SGMS1: variants seen among roughly 807,000 people sequenced by gnomAD.
The protein encoded by SGMS1 is sphingomyelin synthase 1, also known as phosphatidylcholine:ceramide cholinephosphotransferase 1.
In SGMS1, 13 loss-of-function variants were observed where a neutral mutation model predicts 46.2. The observed-to-expected ratio is 0.28, with a 90% CI of 0.18 to 0.45. The LOEUF (loss-of-function observed/expected upper bound fraction) is 0.45, where lower values mean the gene tolerates loss of function less well. SGMS1 is among the 20% of genes least tolerant of loss of function. The probability of loss-of-function intolerance (pLI) is 1.00; values close to 1 mark genes in which losing one functional copy is unlikely to be tolerated. For synonymous variants in SGMS1, 203 were observed against 187.8 expected, an observed-to-expected ratio of 1.08 and a Z score of -0.66; for missense variants, 324 against 519.9, an observed-to-expected ratio of 0.62 and a Z score of 3.66.
chr10:50,422,598 G>T (rs1849271416), intron 6 of SGMS1, among the ~76,000 whole-genome samples: 1 of 152,156 alleles, frequency 6.6e-6, no homozygotes, highest in Non-Finnish European at 1.5e-5. Context: ...TTCAAGTAAG[G>T]AACACATAGA....
At chr10:50,389,565 T>A (rs1317680917) in intron 6 of SGMS1, among the ~76,000 whole-genome samples, 3 of 152,200 alleles carry the variant, frequency 2.0e-5, no homozygotes, top group Non-Finnish European at 4.4e-5. Flanking sequence ...GAGAGCAACT[T>A]CCCAGTGAAA....
chr10:50,363,075 T>C lies in SGMS1; in HGVS notation c.-231-18730A>G, dbSNP rs945399614. 7.9e-5 allele frequency among the ~76,000 whole-genome samples: 12 copies of C among 152,254 alleles called. No homozygotes were observed. The East Asian group carries it at 2.3e-3, about 29-fold the overall frequency. On this transcript the variant is annotated intron_variant, in intron 6 of 10. Coordinates refer to ENST00000361781, the MANE Select transcript of SGMS1 (RefSeq NM_147156.4). ...AAATAAAAAACTGAATCCAGTTAAT[T>C]GAAAGATGAATCAGATTTCCAAAAA... is the stretch of plus-strand genomic sequence containing the variant.
intron 6 of SGMS1, among the ~76,000 whole-genome samples, chr10:50,408,432 A>T (rs1849048108): frequency 1.3e-5 from 1 of 78,772 alleles, no homozygotes; most frequent in South Asian, 4.1e-4. Flanking sequence ...CTCATCTCTT[A>T]AAAAAAAAAA....
At position 50,344,326 on chromosome 10, in the gene SGMS1, T is replaced by A; in HGVS notation, c.-212A>T. On this transcript the variant is annotated 5_prime_UTR_variant, in exon 7 of 11. An upstream open reading frame in the 5' UTR gains an earlier in-frame stop. Transcript: ENST00000361781. ...CGCCCAAGTATTAATTCACCTCATTTTTGAGCAGGATTCTTCCTTCTGTGA... is the reference window on the plus strand; with the variant it reads ...CGCCCAAGTATTAATTCACCTCATTATTGAGCAGGATTCTTCCTTCTGTGA... 1 of 513,400 alleles carries A rather than the reference T, an allele frequency of 1.9e-6. No homozygotes were observed. The highest frequency in any genetic ancestry group is 3.0e-5 in the East Asian group (1 of 33,424). 31.8% of individuals were successfully genotyped at this position (513,400 alleles called of 1,614,324 possible). A position where few individuals can be genotyped will look rare whatever the true frequency, so the allele number is the denominator to read the frequency against.
chr10:50,386,099 C>A (rs1461004633), intron 6 of SGMS1, among the ~76,000 whole-genome samples: 2 of 152,068 alleles, frequency 1.3e-5, no homozygotes, highest in Non-Finnish European at 2.9e-5. Context: ...ATGAAATAAT[C>A]CCGCCTTTTA....
intron 5 of SGMS1, among the ~76,000 whole-genome samples, chr10:50,449,952 G>C (rs978822078): frequency 6.6e-6 from 1 of 151,948 alleles, no homozygotes; most frequent in African/African-American, 2.4e-5. Flanking sequence ...ACAGAATGAA[G>C]TAAGATAATG....
intron 8 of SGMS1, among the ~76,000 whole-genome samples, chr10:50,318,020 TCTCAAA>T (rs1183544263): frequency 1.3e-5 from 2 of 152,142 alleles, no homozygotes; most frequent in Non-Finnish European, 2.9e-5. Context: ...CCCAGGCTGG[TCTCAAA>T]CTCCTGAGCT....
At chr10:50,449,793 T>A (rs1837077918) in intron 5 of SGMS1, among the ~76,000 whole-genome samples, 1 of 152,146 alleles carries the variant, frequency 6.6e-6, no homozygotes, top group Non-Finnish European at 1.5e-5. Flanking sequence ...ATTTTCCTTA[T>A]TCATCTAGTT....
chr10:50,322,604 G>A (rs968706593), intron 8 of SGMS1, among the ~76,000 whole-genome samples: 5 of 151,306 alleles, frequency 3.3e-5, no homozygotes, highest in South Asian at 4.2e-4. Context: ...AGGCCGAGGC[G>A]GGTGGATCAT....
At chr10:50,617,996 G>A (rs746519641) in intron 1 of SGMS1, among the ~76,000 whole-genome samples, 1 of 151,910 alleles carries the variant, frequency 6.6e-6, no homozygotes, top group Non-Finnish European at 1.5e-5. Context: ...GGCATTACAG[G>A]CATTGAGCCA....
At chr10:50,574,576 G>C (rs1475364959) in intron 2 of SGMS1, among the ~76,000 whole-genome samples, 1 of 152,150 alleles carries the variant, frequency 6.6e-6, no homozygotes, top group Non-Finnish European at 1.5e-5. Flanking sequence ...TAGAAAGCAA[G>C]ATAGAAATTT....
intron 6 of SGMS1, among the ~76,000 whole-genome samples, chr10:50,354,841 G>A (rs552544980): frequency 0.015 from 2,226 of 151,994 alleles, 69 homozygotes; most frequent in African/African-American, 0.051. Flanking sequence ...ACATGAAAAA[G>A]TGCTCATCAT....
At chr10:50,509,419 G>T (rs1453191393) in intron 3 of SGMS1, among the ~76,000 whole-genome samples, 1 of 152,126 alleles carries the variant, frequency 6.6e-6, no homozygotes, top group Non-Finnish European at 1.5e-5. Flanking sequence ...GGTTTTTCCA[G>T]TAAGACATTT....
At chr10:50,530,763 G>A (rs1335558625) in intron 2 of SGMS1, among the ~76,000 whole-genome samples, 2 of 152,098 alleles carry the variant, frequency 1.3e-5, no homozygotes, top group African/African-American at 2.4e-5. Context: ...GGGATTGCAG[G>A]CATGAACCAC....
chr10:50,407,316 AG>A (rs1378790091), intron 6 of SGMS1, among the ~76,000 whole-genome samples: 1 of 152,234 alleles, frequency 6.6e-6, no homozygotes, highest in Non-Finnish European at 1.5e-5. Flanking sequence ...TGAATAGCAC[AG>A]GTAATAAAAC....
chr10:50,309,003 A>G (rs1383614828), intron 9 of SGMS1, among the ~76,000 whole-genome samples: 1 of 152,222 alleles, frequency 6.6e-6, no homozygotes, highest in East Asian at 1.9e-4. Flanking sequence ...ACCTGGATCA[A>G]TGAATAAAAA....
chr10:50,418,568 G>A (rs1849212914), intron 6 of SGMS1: 1 of 152,222 alleles, frequency 6.6e-6, no homozygotes, highest in South Asian at 2.1e-4. Context: ...AAGCTTAGAA[G>A]CCTTTCACAG....
chr10:50,562,337 A>AGT (rs758431447), intron 2 of SGMS1, among the ~76,000 whole-genome samples: 1,568 of 132,328 alleles, frequency 0.012, 35 homozygotes, highest in African/African-American at 0.04. Context: ...ACACTCTCTG[A>AGT]GTGTGTGTGT....
At chr10:50,507,462 G>A (rs1441205568) in intron 3 of SGMS1, among the ~76,000 whole-genome samples, 1 of 152,044 alleles carries the variant, frequency 6.6e-6, no homozygotes, top group East Asian at 1.9e-4. Context: ...AAATACAGGC[G>A]GCTTGGACAT....
Sources: allele counts gnomAD v4.1 joint callset (sites outside exome capture counted in the v4.1 genomes callset), GRCh38; gene constraint gnomAD v4.1.1; transcripts MANE v1.5; gene names NCBI Gene and HGNC (gene_info 2026-07-23, HGNC 2026-07-21).